The following SNTG1 variants were observed in gnomAD, a reference collection of about 807,000 sequenced individuals.
The protein encoded by SNTG1 is gamma-1-syntrophin.
SNTG1 carries 39 observed loss-of-function variants against 74.7 expected under a neutral mutation model. The observed-to-expected ratio is 0.52, with a 90% CI of 0.40 to 0.68. The LOEUF (loss-of-function observed/expected upper bound fraction) is 0.68, where lower values mean the gene tolerates loss of function less well. Among genes scored for constraint, SNTG1 ranks in the 30% least tolerant of loss-of-function variants. The pLI, the probability that SNTG1 is intolerant of heterozygous loss-of-function variation, is 0.00. For missense variants in SNTG1, 685 were observed against 609.5 expected, an observed-to-expected ratio of 1.12 and a Z score of -1.30; for synonymous variants, 254 against 217.1, an observed-to-expected ratio of 1.17 and a Z score of -1.49.
chr8:49,967,262 G>T (rs1290175734), intron 1 of SNTG1, among the ~76,000 whole-genome samples: 2 of 152,198 alleles, frequency 1.3e-5, no homozygotes, highest in Non-Finnish European at 2.9e-5. Flanking sequence ...TGCCTGTCTG[G>T]CTTTGGAGTC....
intron 2 of SNTG1, among the ~76,000 whole-genome samples, chr8:50,297,238 C>T (rs773963896): frequency 2.0e-5 from 3 of 152,136 alleles, no homozygotes; most frequent in Non-Finnish European, 2.9e-5. Context: ...TAGATAGTAT[C>T]AAATCCCAAA....
At chr8:50,186,871 T>C (rs952014400) in intron 2 of SNTG1, among the ~76,000 whole-genome samples, 1 of 152,156 alleles carries the variant, frequency 6.6e-6, no homozygotes, top group Non-Finnish European at 1.5e-5. Flanking sequence ...TCTTTTGCTG[T>C]GCAGAAGCTC....
At chr8:50,118,137 T>G (rs2080885228) in intron 1 of SNTG1, among the ~76,000 whole-genome samples, 2 of 152,168 alleles carry the variant, frequency 1.3e-5, no homozygotes, top group Non-Finnish European at 2.9e-5. Context: ...CTTGGGAATA[T>G]GATTTGTTTA....
intron 5 of SNTG1, among the ~76,000 whole-genome samples, chr8:50,445,301 T>TGTA (rs2093396476): frequency 6.6e-6 from 1 of 152,238 alleles, no homozygotes; most frequent in African/African-American, 2.4e-5. Context: ...ACTGTTATTC[T>TGTA]GTTTACAAGT....
intron 13 of SNTG1, among the ~76,000 whole-genome samples, chr8:50,626,362 C>T (rs2131077526): frequency 6.6e-6 from 1 of 152,258 alleles, no homozygotes; most frequent in Admixed American, 6.5e-5. Flanking sequence ...TGTTATTGGA[C>T]TGTCCCAAGA....
chr8:50,110,388 G>A (rs1463489299), intron 1 of SNTG1, among the ~76,000 whole-genome samples: 2 of 152,176 alleles, frequency 1.3e-5, no homozygotes, highest in East Asian at 1.9e-4. Context: ...ACAGGTGCAG[G>A]CAGGACTCTC....
chr8:50,691,598 G>C (rs1200114383), intron 15 of SNTG1, among the ~76,000 whole-genome samples: 6 of 152,172 alleles, frequency 3.9e-5, no homozygotes, highest in Non-Finnish European at 7.3e-5. Context: ...CTGGCTTGTA[G>C]AGTTTCTGCC....
chr8:50,069,875 G>T (rs558011572), intron 1 of SNTG1, among the ~76,000 whole-genome samples: 2 of 151,914 alleles, frequency 1.3e-5, no homozygotes, highest in Non-Finnish European at 1.5e-5. Flanking sequence ...TCCTCCTGCA[G>T]GTCTGTGCTA....
chr8:49,973,594 TTTCA>T (rs1811921982), intron 1 of SNTG1, among the ~76,000 whole-genome samples: 1 of 151,902 alleles, frequency 6.6e-6, no homozygotes, highest in Non-Finnish European at 1.5e-5. Context: ...GAGTCTTGGC[TTTCA>T]TTAATATGCA....
intron 1 of SNTG1, among the ~76,000 whole-genome samples, chr8:49,970,400 C>T (rs1402659516): frequency 2.0e-5 from 3 of 152,154 alleles, no homozygotes; most frequent in Non-Finnish European, 2.9e-5. Context: ...TGTTTAGCCG[C>T]ACTCTTTTTA....
intron 1 of SNTG1, among the ~76,000 whole-genome samples, chr8:50,148,639 G>C (rs1412640353): frequency 2.0e-5 from 3 of 152,182 alleles, no homozygotes; most frequent in African/African-American, 4.8e-5. Context: ...CTATGAGTGA[G>C]AACATGCGGT....
intron 1 of SNTG1, among the ~76,000 whole-genome samples, chr8:49,926,678 A>T (rs1459525091): frequency 6.6e-6 from 1 of 152,168 alleles, no homozygotes; most frequent in Non-Finnish European, 1.5e-5. Flanking sequence ...GACCTTTGGT[A>T]TGGCAATGAC....
At chr8:50,458,443 A>G (rs566028360) in intron 8 of SNTG1, among the ~76,000 whole-genome samples, 1 of 152,274 alleles carries the variant, frequency 6.6e-6, no homozygotes, top group Admixed American at 6.5e-5. Context: ...GCAAACAAGA[A>G]GGTGATATGA....
chr8:50,749,937 C>A (rs2095563509), intron 17 of SNTG1, among the ~76,000 whole-genome samples: 1 of 151,998 alleles, frequency 6.6e-6, no homozygotes, highest in Non-Finnish European at 1.5e-5. Flanking sequence ...GTATTTTCGA[C>A]TTTCAAGTCT....
chr8:50,239,095 G>T (rs1333317812), intron 2 of SNTG1, among the ~76,000 whole-genome samples: 1 of 152,126 alleles, frequency 6.6e-6, no homozygotes, highest in East Asian at 1.9e-4. Flanking sequence ...TTCTCAAGGA[G>T]CTTAAAACAA....
chr8:50,397,295 G>T (rs750895228), intron 3 of SNTG1, among the ~76,000 whole-genome samples: 11 of 151,768 alleles, frequency 7.2e-5, no homozygotes, highest in Non-Finnish European at 1.3e-4. Context: ...GAAAGAAGAA[G>T]ATTCATGTCT....
chr8:50,654,093 C>T (rs367753185), intron 13 of SNTG1, among the ~76,000 whole-genome samples: 1 of 151,930 alleles, frequency 6.6e-6, no homozygotes, highest in Non-Finnish European at 1.5e-5. Context: ...TTTTGTTTGT[C>T]TTCTGAATCT....
chr8:50,655,252 A>T (rs2095172668), intron 13 of SNTG1, among the ~76,000 whole-genome samples: 2 of 152,158 alleles, frequency 1.3e-5, no homozygotes, highest in South Asian at 4.1e-4. Context: ...AATTATTCTG[A>T]CACAGTAAAT....
At chr8:50,365,076 T>C (rs1587329481) in intron 2 of SNTG1, among the ~76,000 whole-genome samples, 1 of 152,290 alleles carries the variant, frequency 6.6e-6, no homozygotes, top group South Asian at 2.1e-4. Flanking sequence ...ACTACAAATC[T>C]ACTTGATTTC....
Sources: gnomAD v4.1 joint callset for allele counts (sites outside exome capture counted in the v4.1 genomes callset) on GRCh38, gnomAD v4.1.1 for gene constraint, MANE v1.5 for transcripts, NCBI Gene and HGNC (gene_info 2026-07-23, HGNC 2026-07-21) for gene names.